Variants in LRRD1 observed in about 807,000 individuals in gnomAD.
LRRD1 encodes the protein leucine-rich repeat and death domain-containing protein 1.
In LRRD1, 49 loss-of-function variants were observed where a neutral mutation model predicts 69.5. The observed-to-expected ratio is 0.70, with a 90% confidence interval of 0.56 to 0.89. LRRD1 has a LOEUF of 0.89. LRRD1 is among the 40% of genes least tolerant of loss of function. LRRD1 has a pLI of 0.00. For missense variants in LRRD1, 853 were observed against 956.0 expected (o/e 0.89, Z 1.42); for synonymous variants, 303 against 338.9 (o/e 0.89, Z 1.16).
intron 1 of LRRD1, among the ~76,000 whole-genome samples, chr7:92,172,334 C>T (rs1411527669): frequency 6.6e-6 from 1 of 152,100 alleles, no homozygotes; most frequent in Non-Finnish European, 1.5e-5. Context: ...TGCTGGAAGT[C>T]CTGCCCACAT....
intron 2 of LRRD1, 73 bp downstream of exon 2, chr7:92,163,213 A>G: frequency 9.9e-7 from 1 of 1,012,938 alleles, no homozygotes; most frequent in Admixed American, 3.5e-5. Flanking sequence ...GTACCCACAG[A>G]TACACCACAG....
intron 4 of LRRD1, among the ~76,000 whole-genome samples, chr7:92,146,642 C>T (rs1001536168): frequency 1.4e-5 from 2 of 147,480 alleles, no homozygotes; most frequent in Non-Finnish European, 1.5e-5. Flanking sequence ...CAATGACAGC[C>T]ATGCGCGGTG....
rs111717648 is a variant in LRRD1, at chr7:92,150,535, A to G, written c.2277T>C (p.Asp759=). The G allele has an allele frequency of 3.9e-6, 6 of 1,536,594 alleles. No homozygotes were observed. Among genetic ancestry groups the G allele is most frequent in the African/African-American group, 2.8e-5 (2 of 72,602 alleles). Residue 759 remains aspartate (D), a splice_region_variant and synonymous_variant, in exon 4 of 6, where the codon GAT becomes GAC. Coordinates refer to ENST00000458448, the MANE Select transcript of LRRD1 (RefSeq NM_001161528.2). ...GATAGTCAATCACTCATCACCTACC[A>G]TCTCTTTCATCTGCCCTCTGTAGAT... ...ARYLQRADER[D]EKILEKIFKI... is the part of the protein sequence containing the mutation.
chr7:92,163,180 G>C, intron 2 of LRRD1, 106 bp downstream of exon 2: 2 of 666,954 alleles, frequency 3.0e-6, no homozygotes, highest in South Asian at 7.2e-5. Context: ...AAATATTTCA[G>C]CTCAACTTAA....
At chr7:92,167,465 C>A (rs1205574371) in intron 1 of LRRD1, among the ~76,000 whole-genome samples, 3 of 152,024 alleles carry the variant, frequency 2.0e-5, no homozygotes, top group Non-Finnish European at 4.4e-5. Flanking sequence ...TAGAAAGGAA[C>A]TTTCTTTACT....
At chr7:92,156,849 T>G (rs929180135) in intron 3 of LRRD1, among the ~76,000 whole-genome samples, 1 of 152,190 alleles carries the variant, frequency 6.6e-6, no homozygotes, top group Non-Finnish European at 1.5e-5. Flanking sequence ...ACTTTAATCC[T>G]GATCATAGTG....
chr7:92,162,329 G>T (rs1034860824), intron 2 of LRRD1, among the ~76,000 whole-genome samples: 1 of 152,128 alleles, frequency 6.6e-6, no homozygotes, highest in African/African-American at 2.4e-5. Context: ...AGAACCCAGT[G>T]CTTCTTAAAG....
At chr7:92,178,690 A>G (rs572948404) in intron 1 of LRRD1, among the ~76,000 whole-genome samples, 1 of 152,296 alleles carries the variant, frequency 6.6e-6, no homozygotes, top group East Asian at 1.9e-4. Context: ...ATAAATACAT[A>G]CATACATACA....
chr7:92,164,875 A>G lies in LRRD1; in HGVS notation c.328T>C (p.Tyr110His). Residue 110 changes from tyrosine to histidine, a missense_variant, in exon 2 of 6, where the codon TAT (tyrosine) becomes CAT (histidine). Tyr to His is a moderately conservative substitution (Grantham distance 83). Coordinates refer to ENST00000458448, the MANE Select transcript of LRRD1 (RefSeq NM_001161528.2). ...LSSLTGRTAE[Y>H]QALVNFLSHE... Reference sequence around the variant, plus strand: ...GATAGGAAGTTAACCAAAGCCTGATATTCTGCAGTCCTCCCAGTTAGTGAT... The same window carrying G: ...GATAGGAAGTTAACCAAAGCCTGATGTTCTGCAGTCCTCCCAGTTAGTGAT... The G allele has an allele frequency of 6.4e-7, 1 of 1,551,632 alleles. No homozygotes were observed. Among genetic ancestry groups the G allele is most frequent in the Non-Finnish European group, 8.7e-7 (1 of 1,146,944 alleles).
chr7:92,170,683 A>C (rs1247181818), intron 1 of LRRD1, among the ~76,000 whole-genome samples: 1 of 152,236 alleles, frequency 6.6e-6, no homozygotes, highest in African/African-American at 2.4e-5. Context: ...TAAATTACAC[A>C]CTAGTCCAAA....
intron 1 of LRRD1, 22 bp from the exon 2 acceptor site, chr7:92,165,298 TA>T: frequency 3.1e-6 from 2 of 636,942 alleles, no homozygotes; most frequent in Non-Finnish European, 4.8e-6. Context: ...ATGTTGAAAT[TA>T]AAAGATGTAA....
chr7:92,178,543 G>A (rs1291384235), intron 1 of LRRD1, among the ~76,000 whole-genome samples: 1 of 151,796 alleles, frequency 6.6e-6, no homozygotes, highest in East Asian at 1.9e-4. Flanking sequence ...GGCGGCGCGC[G>A]CCTGTAATCC....
In LRRD1 at chr7:92,159,223, A is replaced by G. The variant is rs1319922780; in HGVS notation, c.1918-20T>C. 2.9e-6 allele frequency: 4 copies of G among 1,377,488 alleles called. No individual in the cohort carries two copies. In the South Asian group the frequency reaches 6.2e-5, roughly 21 times the overall value. 85.3% of individuals were successfully genotyped at this position (1,377,488 alleles called of 1,614,324 possible). A position where few individuals can be genotyped will look rare whatever the true frequency, so the allele number is the denominator to read the frequency against. ...TGTTAGCTGTAACAAAGATTACACA[A>G]TTATACATTTATAAATACATACATA... On this transcript the variant is annotated intron_variant, in intron 2 of 5. Coordinates refer to ENST00000458448, the MANE Select transcript of LRRD1 (RefSeq NM_001161528.2).
In LRRD1 at chr7:92,175,522, G is replaced by A. The variant is rs184720683; in HGVS notation, c.-75+3485C>T. Among the ~76,000 whole-genome samples the A allele has an allele frequency of 2.2e-4, 34 of 152,062 alleles. No homozygotes were observed. The East Asian group carries it at 5.1e-3, about 23-fold the overall frequency. ...AATTAGCTGGGCATGGTGGCGCACGGCTGTAATCCCAGCTACTCGGGAGGC... is the reference window on the plus strand; with the variant it reads ...AATTAGCTGGGCATGGTGGCGCACGACTGTAATCCCAGCTACTCGGGAGGC... On this transcript the variant is annotated intron_variant, in intron 1 of 5. Transcript: ENST00000458448.
At chr7:92,153,561 G>A (rs1171754744) in intron 3 of LRRD1, among the ~76,000 whole-genome samples, 3 of 151,162 alleles carry the variant, frequency 2.0e-5, no homozygotes, top group African/African-American at 7.3e-5. Context: ...TGGGCACAGT[G>A]GCTCATGCCT....
At position 92,163,462 on chromosome 7, in the gene LRRD1, A is replaced by C. The variant is rs1788833733; in HGVS notation, c.1741T>G (p.Leu581Val). The change falls in exon 2 of 6, where the codon TTG becomes GTG. Residue 581 changes from leucine (L) to valine (V), a missense_variant. Leu to Val is a conservative substitution (Grantham distance 32). Coordinates refer to ENST00000458448, the MANE Select transcript of LRRD1 (RefSeq NM_001161528.2). ...TTTTCCGAAAGATCAAGTACTTGCA[A>C]ATTTTCTAAAGTACACAATTCTCTA... Reference protein sequence around the residue: ...FPRELCTLENLQVLDLSENQL... With the variant: ...FPRELCTLENVQVLDLSENQL... 6.5e-7 allele frequency: 1 copy of C among 1,541,832 alleles called. No individual in the cohort carries two copies. Among genetic ancestry groups the C allele is most frequent in the Non-Finnish European group, 8.7e-7 (1 of 1,143,716 alleles).
Position 92,150,744 on chromosome 7 carries a change from C to A in LRRD1, c.2117-49G>T, listed in dbSNP as rs1483254410. On this transcript the variant is annotated intron_variant, in intron 3 of 5. Coordinates refer to ENST00000458448, the MANE Select transcript of LRRD1 (RefSeq NM_001161528.2). ...AATTACATCTTTCTATAAAAGAAAA[C>A]TATGGAGACAAATAACATCTGTTAT... 8.3e-6 allele frequency: 11 copies of A among 1,328,194 alleles called. 1 individual carries two copies. The highest frequency in any genetic ancestry group is 2.8e-5 in the South Asian group (2 of 70,266). The allele number at this position is 1,328,194 out of a possible 1,614,324, so 82.3% of individuals were successfully genotyped here. A position where few individuals can be genotyped will look rare whatever the true frequency, so the allele number is the denominator to read the frequency against.
Position 92,146,182 on chromosome 7 carries a change from A to G in LRRD1, c.2297T>C (p.Ile766Thr). The G allele has an allele frequency of 1.3e-6, 2 of 1,503,960 alleles. No individual in the cohort carries two copies. Among genetic ancestry groups the G allele is most frequent in the Non-Finnish European group, 1.8e-6 (2 of 1,120,958 alleles). The allele number at this position is 1,503,960 out of a possible 1,614,324, so 93.2% of individuals were successfully genotyped here. A position where few individuals can be genotyped will look rare whatever the true frequency, so the allele number is the denominator to read the frequency against. ...DERDEKILEK[I>T]FKIVANNITE... is the part of the protein sequence containing the mutation. ...GATGTTGTTGGCAACTATCTTGAAT[A>G]TCTTCTCTAAAATTTTCTCTACGTT... Residue 766 changes from isoleucine (I) to threonine (T), a missense_variant, in exon 5 of 6, where the codon ATA (isoleucine) becomes ACA (threonine). Physicochemically the swap from Ile to Thr is moderately conservative, Grantham distance 89 (BLOSUM62 -1). Transcript: ENST00000458448.
chr7:92,146,339 C>T (rs1381514864), intron 4 of LRRD1, 139 bp from the exon 5 acceptor site: 15 of 534,510 alleles, frequency 2.8e-5, no homozygotes, highest in East Asian at 9.7e-5. Context: ...CAATGCTGGC[C>T]GGGCACAGTG....
Sources: gnomAD v4.1 joint callset for allele counts (sites outside exome capture counted in the v4.1 genomes callset) on GRCh38, gnomAD v4.1.1 for gene constraint, MANE v1.5 for transcripts, NCBI Gene and HGNC (gene_info 2026-07-23, HGNC 2026-07-21) for gene names.